CTNND2: variants seen among roughly 807,000 people sequenced by gnomAD.
CTNND2 encodes the protein catenin delta 2.
CTNND2 carries 22 observed loss-of-function variants against 144.4 expected under a neutral mutation model. That is an observed-to-expected ratio of 0.15 (90% CI 0.11 to 0.22). The LOEUF (loss-of-function observed/expected upper bound fraction) is 0.22. CTNND2 is among the 10% of genes least tolerant of loss of function. CTNND2 has a pLI of 1.00. For missense variants in CTNND2, 1,353 were observed against 1,618.8 expected (o/e 0.84, Z 2.82); for synonymous variants, 751 against 695.6 (o/e 1.08, Z -1.25).
chr5:11,406,760 C>T (rs1761132508), intron 5 of CTNND2, among the ~76,000 whole-genome samples: 1 of 151,858 alleles, frequency 6.6e-6, no homozygotes, highest in African/African-American at 2.4e-5. Context: ...AGAATGGTAA[C>T]ATATACGATT....
intron 1 of CTNND2, among the ~76,000 whole-genome samples, chr5:11,787,997 A>G (rs747141891): frequency 1.3e-5 from 2 of 152,222 alleles, no homozygotes; most frequent in African/African-American, 2.4e-5. Flanking sequence ...ACTGCTTTGA[A>G]GAATATATGC....
intron 9 of CTNND2, among the ~76,000 whole-genome samples, chr5:11,243,596 TG>T (rs1742676580): frequency 6.6e-6 from 1 of 152,306 alleles, no homozygotes; most frequent in Admixed American, 6.5e-5. Context: ...TTAATGGAAA[TG>T]GGGATATGCA....
At chr5:11,469,041 G>A (rs1581261217) in intron 3 of CTNND2, among the ~76,000 whole-genome samples, 1 of 152,110 alleles carries the variant, frequency 6.6e-6, no homozygotes. Context: ...ATGGGAGAAC[G>A]TTTTCCTCAC....
At chr5:11,661,159 CTT>C (rs1389399274) in intron 2 of CTNND2, among the ~76,000 whole-genome samples, 1 of 152,140 alleles carries the variant, frequency 6.6e-6, no homozygotes, top group East Asian at 1.9e-4. Flanking sequence ...ATAAAGCTCT[CTT>C]GTTTACATAA....
chr5:11,141,952 G>C (rs1441584055), intron 12 of CTNND2, among the ~76,000 whole-genome samples: 4 of 152,088 alleles, frequency 2.6e-5, no homozygotes, highest in Non-Finnish European at 5.9e-5. Context: ...GTTCCTTATT[G>C]CAAGAGTGAG....
intron 1 of CTNND2, among the ~76,000 whole-genome samples, chr5:11,760,893 T>A (rs539202269): frequency 6.6e-6 from 1 of 152,158 alleles, no homozygotes; most frequent in Non-Finnish European, 1.5e-5. Flanking sequence ...CACTTATTGG[T>A]TGAATGAATG....
intron 9 of CTNND2, among the ~76,000 whole-genome samples, chr5:11,268,819 T>A (rs1235213558): frequency 6.6e-6 from 1 of 152,010 alleles, no homozygotes; most frequent in Non-Finnish European, 1.5e-5. Flanking sequence ...TTACGGGTAA[T>A]TTTTTTTCTT....
chr5:11,754,969 G>C (rs1224122044), intron 1 of CTNND2, among the ~76,000 whole-genome samples: 1 of 151,692 alleles, frequency 6.6e-6, no homozygotes, highest in Non-Finnish European at 1.5e-5. Flanking sequence ...GTACAGATTT[G>C]ATCATATTAT....
At chr5:11,029,873 C>T (rs62337241) in intron 16 of CTNND2, among the ~76,000 whole-genome samples, 25,697 of 152,048 alleles carry the variant, frequency 0.17, 2,519 homozygotes, top group Middle Eastern at 0.24. Context: ...CTTCTTATAC[C>T]TTTGAATTAC....
intron 1 of CTNND2, among the ~76,000 whole-genome samples, chr5:11,870,026 C>A (rs6554653): frequency 1.3e-5 from 2 of 151,954 alleles, no homozygotes; most frequent in African/African-American, 4.8e-5. Flanking sequence ...CAAATACTTA[C>A]ACATAGACTG....
chr5:11,053,877 G>A (rs371225069), intron 16 of CTNND2, among the ~76,000 whole-genome samples: 2 of 152,182 alleles, frequency 1.3e-5, no homozygotes, highest in Admixed American at 6.5e-5. Context: ...TTACCAGTGG[G>A]CTTCTTGGAA....
intron 2 of CTNND2, among the ~76,000 whole-genome samples, chr5:11,653,340 T>C (rs911971281): frequency 3.9e-5 from 6 of 152,104 alleles, no homozygotes; most frequent in Non-Finnish European, 7.4e-5. Flanking sequence ...CTAATGTCTC[T>C]ACCAATTTTC....
In CTNND2 at chr5:10,973,432, G is replaced by A. The variant is rs371937255; in HGVS notation, c.*21C>T. 1.4e-5 allele frequency: 22 copies of A among 1,547,086 alleles called. No homozygotes were observed. Among genetic ancestry groups the A allele is most frequent in the East Asian group, 2.3e-5 (1 of 44,154 alleles). ...GTATGCATGCACATGCACTGTTCCC[G>A]GAGCGCCTGTGCCCTGCTCCTCACA... On this transcript the variant is annotated 3_prime_UTR_variant, in exon 22 of 22. Coordinates refer to ENST00000304623, the MANE Select transcript of CTNND2 (RefSeq NM_001332.4). This position sits in a 1 kb window ranked among gnomAD's most constrained non-coding sequence, Gnocchi z 5.6.
Position 11,791,704 on chromosome 5 carries a change from G to A in CTNND2, c.38-59432C>T, listed in dbSNP as rs76922387. Among the ~76,000 whole-genome samples the A allele has an allele frequency of 4.9e-3, 741 of 152,268 alleles. 9 individuals carry two copies. Among genetic ancestry groups the A allele is most frequent in the African/African-American group, 0.017 (710 of 41,548 alleles). The stretch of plus-strand genomic sequence containing the variant: ...TGCTATGAAAGTGGTTCACGAAAAC[G>A]AATCTGGGACATTGAGGCTCTTTCT... On this transcript the variant is annotated intron_variant, in intron 1 of 21. Coordinates refer to ENST00000304623, the MANE Select transcript of CTNND2 (RefSeq NM_001332.4).
intron 12 of CTNND2, among the ~76,000 whole-genome samples, chr5:11,154,493 C>A (rs1411106527): frequency 6.6e-6 from 1 of 152,170 alleles, no homozygotes; most frequent in Non-Finnish European, 1.5e-5. Flanking sequence ...CATCTTTGAT[C>A]TGGGTTGTTT....
intron 2 of CTNND2, among the ~76,000 whole-genome samples, chr5:11,668,658 T>C (rs1413763886): frequency 6.6e-6 from 1 of 152,176 alleles, no homozygotes; most frequent in Non-Finnish European, 1.5e-5. Flanking sequence ...CTTAAGGAGA[T>C]TTGGGCTTGA....
At chr5:11,253,166 T>C (rs2149936615) in intron 9 of CTNND2, among the ~76,000 whole-genome samples, 1 of 152,264 alleles carries the variant, frequency 6.6e-6, no homozygotes, top group Non-Finnish European at 1.5e-5. Flanking sequence ...CTTACACCTC[T>C]CCTTTTCTTT....
At chr5:11,741,225 C>T (rs1787984239) in intron 1 of CTNND2, among the ~76,000 whole-genome samples, 1 of 152,068 alleles carries the variant, frequency 6.6e-6, no homozygotes, top group Admixed American at 6.6e-5. Context: ...TGGCTATATA[C>T]CCAAAGGATT....
chr5:11,673,742 T>C (rs1784024313), intron 2 of CTNND2, among the ~76,000 whole-genome samples: 1 of 152,200 alleles, frequency 6.6e-6, no homozygotes, highest in African/African-American at 2.4e-5. Flanking sequence ...AAAGGGAATT[T>C]ATGCAAGACA....
Sources: allele counts gnomAD v4.1 joint callset (sites outside exome capture counted in the v4.1 genomes callset), GRCh38; gene constraint gnomAD v4.1.1; non-coding constraint Gnocchi (gnomAD v3.1); transcripts MANE v1.5; gene names NCBI Gene and HGNC (gene_info 2026-07-23, HGNC 2026-07-21).